Variants in PRKCA observed in about 807,000 individuals in gnomAD.
PRKCA encodes the protein protein kinase C alpha.
PRKCA carries 27 observed loss-of-function variants against 87.0 expected under a neutral mutation model. The ratio of observed to expected loss-of-function variants is 0.31; its 90% CI spans 0.23 to 0.43. PRKCA has a LOEUF of 0.43. Among genes scored for constraint, PRKCA ranks in the 20% least tolerant of loss-of-function variants. The pLI, the probability that PRKCA is intolerant of heterozygous loss-of-function variation, is 1.00. For missense variants in PRKCA, 518 were observed against 852.3 expected (o/e 0.61, Z 4.88); for synonymous variants, 329 against 311.1 (o/e 1.06, Z -0.61).
chr17:66,778,975 A>G (rs555982387), intron 14 of PRKCA, among the ~76,000 whole-genome samples: 1 of 152,238 alleles, frequency 6.6e-6, no homozygotes, highest in Admixed American at 6.5e-5. Flanking sequence ...TTTCATTCAA[A>G]TCCCCTTCTT....
intron 5 of PRKCA, among the ~76,000 whole-genome samples, chr17:66,681,017 T>C (rs1972476330): frequency 6.6e-6 from 1 of 152,110 alleles, no homozygotes; most frequent in Admixed American, 6.6e-5. Flanking sequence ...TCACTTGAGG[T>C]CGGGGGTTTG....
At chr17:66,727,119 G>A (rs1401369824) in intron 8 of PRKCA, among the ~76,000 whole-genome samples, 3 of 152,302 alleles carry the variant, frequency 2.0e-5, no homozygotes, top group East Asian at 1.9e-4. Context: ...GTCCCCAAAC[G>A]CTGGTGGGAC....
chr17:66,578,238 TC>T (rs36065582), intron 3 of PRKCA, among the ~76,000 whole-genome samples: 34,201 of 151,586 alleles, frequency 0.23, 3,989 homozygotes, highest in South Asian at 0.34. Flanking sequence ...AGGCCAGCAC[TC>T]TGGAAAGACG....
chr17:66,610,230 A>G (rs767270142), intron 3 of PRKCA, among the ~76,000 whole-genome samples: 2 of 152,208 alleles, frequency 1.3e-5, no homozygotes, highest in Non-Finnish European at 2.9e-5. Context: ...TACAAAGGAT[A>G]CAAATGAACA....
chr17:66,614,464 C>T (rs1161465017), intron 3 of PRKCA, among the ~76,000 whole-genome samples: 4 of 152,140 alleles, frequency 2.6e-5, no homozygotes, highest in African/African-American at 4.8e-5. Flanking sequence ...CATATAATTG[C>T]AATTTGCTGA....
At chr17:66,403,744 A>G (rs1911175608) in intron 2 of PRKCA, 1 of 152,230 alleles carries the variant, frequency 6.6e-6, no homozygotes, top group Admixed American at 6.5e-5. Context: ...CCATTTATGA[A>G]CAGTTCAAGT....
At position 66,587,860 on chromosome 17, in the gene PRKCA, TAC is replaced by T. The variant is rs1410565997; in HGVS notation, c.289-53493_289-53492del. On this transcript the variant is annotated intron_variant, in intron 3 of 16. Transcript: ENST00000413366. ...ATGTGTGTATCTACATATACATATATACATATGTATGTGTGTGTGTGTGTGTG... is the reference window on the plus strand; with the variant it reads ...ATGTGTGTATCTACATATACATATATATATGTATGTGTGTGTGTGTGTGTG... 6.0e-4 allele frequency among the ~76,000 whole-genome samples: 65 copies of T among 109,182 alleles called. 3 individuals carry two copies. The highest frequency in any genetic ancestry group is 1.3e-3 in the Admixed American group (13 of 10,300). 71.6% of individuals were successfully genotyped at this position (109,182 alleles called of 152,430 possible).
In PRKCA at chr17:66,810,352, T is replaced by G. The variant is rs1440089597; in HGVS notation, c.*6315T>G. The G allele has an allele frequency of 6.6e-6, 1 of 152,234 alleles. No individual in the cohort carries two copies. The highest frequency in any genetic ancestry group is 1.5e-5 in the Non-Finnish European group (1 of 68,044). 9.4% of individuals were successfully genotyped at this position (152,234 alleles called of 1,614,324 possible). On this transcript the variant is annotated 3_prime_UTR_variant, in exon 17 of 17. Transcript: ENST00000413366. ...TCTAAAGGTTTTCTAAAAATTAACC[T>G]CACATCCCTTCTGTTAGGGTCTTTC...
At chr17:66,604,106 G>A (rs1970139193) in intron 3 of PRKCA, among the ~76,000 whole-genome samples, 1 of 152,084 alleles carries the variant, frequency 6.6e-6, no homozygotes, top group South Asian at 2.1e-4. Context: ...CCTCTCCTTG[G>A]TGATCGCCTC....
intron 13 of PRKCA, among the ~76,000 whole-genome samples, chr17:66,766,803 CT>C (rs1974821243): frequency 1.5e-5 from 2 of 131,852 alleles, no homozygotes; most frequent in South Asian, 2.4e-4. Context: ...AGCGAAACTC[CT>C]TCTCAAAAAA....
intron 3 of PRKCA, among the ~76,000 whole-genome samples, chr17:66,554,114 C>T (rs2143244448): frequency 6.6e-6 from 1 of 152,146 alleles, no homozygotes; most frequent in Middle Eastern, 3.4e-3. Flanking sequence ...CCTGCCAGGG[C>T]AGAGTTAAGA....
At position 66,346,086 on chromosome 17, in the gene PRKCA, TCTTTTTTTG is replaced by T. The variant is rs547865483; in HGVS notation, c.205+39968_205+39976del. 8.6e-3 allele frequency among the ~76,000 whole-genome samples: 1,298 copies of T among 151,692 alleles called. 19 individuals carry two copies. Among genetic ancestry groups the T allele is most frequent in the African/African-American group, 0.03 (1,241 of 41,346 alleles). On this transcript the variant is annotated intron_variant, in intron 2 of 16. Transcript: ENST00000413366. ...CAGTAAAAGATAAGCTATTGCGTTA[TCTTTTTTTG>T]CTTTTTTTTTTTTTTTGAGATGGAG...
chr17:66,699,040 A>G (rs1972998668), intron 8 of PRKCA, among the ~76,000 whole-genome samples: 1 of 151,216 alleles, frequency 6.6e-6, no homozygotes, highest in Admixed American at 6.6e-5. Flanking sequence ...TGGACAGTAG[A>G]AAAGGTAAGC....
chr17:66,465,920 A>G (rs1438929012), intron 2 of PRKCA, among the ~76,000 whole-genome samples: 1 of 151,932 alleles, frequency 6.6e-6, no homozygotes, highest in Admixed American at 6.6e-5. Context: ...TTTTTTTTTA[A>G]AGGAGTTTCT....
chr17:66,477,429 G>T, intron 2 of PRKCA, among the ~76,000 whole-genome samples: 1 of 152,152 alleles, frequency 6.6e-6, no homozygotes. Flanking sequence ...GCCGAGCGCG[G>T]TGGCTCATAC....
intron 16 of PRKCA, among the ~76,000 whole-genome samples, chr17:66,789,667 G>A (rs1462918454): frequency 1.3e-5 from 2 of 152,206 alleles, no homozygotes; most frequent in Non-Finnish European, 2.9e-5. Context: ...GTTTGCAGTG[G>A]AGGAAACAGT....
chr17:66,370,549 C>CTTTTTTTTTTTTTT (rs555797425), intron 2 of PRKCA, among the ~76,000 whole-genome samples: 1 of 113,672 alleles, frequency 8.8e-6, no homozygotes, highest in Non-Finnish European at 1.8e-5. Flanking sequence ...CTTTTCTTTT[C>CTTTTTTTTTTTTTT]TTTTTTTTTT....
At position 66,483,771 on chromosome 17, in the gene PRKCA, T is replaced by C. The variant is rs181477028; in HGVS notation, c.206-12430T>C. Among the ~76,000 whole-genome samples, 446 of 152,218 alleles carry C rather than the reference T, an allele frequency of 2.9e-3. 3 individuals carry two copies. The highest frequency in any genetic ancestry group is 0.01 in the African/African-American group (417 of 41,546). ...CACCGCACCCAGCCCAAATTTCCCT[T>C]TTTTGTAAGGATGCCAGTCATATTG... On this transcript the variant is annotated intron_variant, in intron 2 of 16. Coordinates refer to ENST00000413366, the MANE Select transcript of PRKCA (RefSeq NM_002737.3).
At chr17:66,738,560 T>A (rs1974090846) in intron 10 of PRKCA, among the ~76,000 whole-genome samples, 1 of 152,382 alleles carries the variant, frequency 6.6e-6, no homozygotes, top group Middle Eastern at 3.4e-3. Flanking sequence ...ATGTAATGAC[T>A]TTATACTTCC....
Sources: allele counts gnomAD v4.1 joint callset (sites outside exome capture counted in the v4.1 genomes callset), GRCh38; gene constraint gnomAD v4.1.1; transcripts MANE v1.5; gene names NCBI Gene and HGNC (gene_info 2026-07-23, HGNC 2026-07-21).